FBXO24: variants seen among roughly 807,000 people sequenced by gnomAD.
FBXO24 encodes the protein F-box protein 24, also known as F-box only protein 24.
Under a neutral mutation model 63.5 loss-of-function variants are expected in FBXO24, and 30 were observed. The observed-to-expected ratio is 0.47, with a 90% CI of 0.35 to 0.64. FBXO24 has a LOEUF of 0.64. Ranked by LOEUF, FBXO24 falls within the 30% of genes least tolerant of loss-of-function variation. The pLI is 0.00. For synonymous variants in FBXO24, 300 were observed against 305.0 expected (o/e 0.98, Z 0.17); for missense variants, 624 against 763.4 (o/e 0.82, Z 2.15).
intron 8 of FBXO24, among the ~76,000 whole-genome samples, chr7:100,597,629 G>A (rs1247721734): frequency 2.0e-5 from 3 of 151,960 alleles, no homozygotes; most frequent in African/African-American, 7.3e-5. Context: ...CCTGACCTCA[G>A]GTGATCTGCA....
Position 100,600,736 on chromosome 7 carries a change from A to C in FBXO24, c.1580A>C (p.His527Pro), listed in dbSNP as rs1331937361. 1.9e-6 allele frequency: 3 copies of C among 1,614,046 alleles called. No individual in the cohort carries two copies. The East Asian group carries it at 6.7e-5, about 36-fold the overall frequency. ...TGCGAGGAGTACCTCAGCCAGATCC[A>C]CAGTTGCCAAACGTTGCAGGACCGC... Reference protein sequence around the residue: ...QACEEYLSQIHSCQTLQDRTE... With the variant: ...QACEEYLSQIPSCQTLQDRTE... The change falls in exon 10 of 10, where the codon CAC (histidine) becomes CCC (proline). Residue 527 changes from histidine (H) to proline (P), a missense_variant. By Grantham distance (77) the His-to-Pro change is moderately conservative. Coordinates refer to ENST00000241071, the MANE Select transcript of FBXO24 (RefSeq NM_033506.3). The surrounding 1 kb of genome is among the most constrained non-coding windows in gnomAD (Gnocchi z 6.3).
intron 5 of FBXO24, among the ~76,000 whole-genome samples, chr7:100,593,491 G>A (rs898071912): frequency 6.6e-6 from 1 of 152,054 alleles, no homozygotes; most frequent in African/African-American, 2.4e-5. Flanking sequence ...AGCCAAGCGT[G>A]GTGGCGCGTG....
chr7:100,600,783 G>A lies in FBXO24; in HGVS notation c.1627G>A (p.Val543Ile), dbSNP rs1196849914. ...CCGCACGGAGAAGATGAAGGAGATC[G>A]TAGGGTGGATGCCCCTGATGGCCGC... is the stretch of plus-strand genomic sequence containing the variant. The part of the protein sequence containing the change: ...QDRTEKMKEI[V>I]GWMPLMAAQK... Residue 543 changes from valine (V) to isoleucine (I), a missense_variant, in exon 10 of 10, where the codon GTA becomes ATA. Val to Ile is a conservative substitution (Grantham distance 29). Around this residue, in one of 3 missense-constraint regions of FBXO24, gnomAD observed 216 missense variants for 245.2 expected, o/e 0.88. Transcript: ENST00000241071. The surrounding 1 kb of genome is among the most constrained non-coding windows in gnomAD (Gnocchi z 6.3). 9 of 1,614,014 alleles carry A rather than the reference G, an allele frequency of 5.6e-6. No homozygotes were observed. Among genetic ancestry groups the A allele is most frequent in the East Asian group, 2.2e-5 (1 of 44,892 alleles).
chr7:100,595,223 G>A lies in FBXO24; in HGVS notation c.1074G>A (p.Lys358=). 6.2e-7 allele frequency: 1 copy of A among 1,614,132 alleles called. No homozygotes were observed. The highest frequency in any genetic ancestry group is 8.5e-7 in the Non-Finnish European group (1 of 1,180,016). ...CGCTTGCTCTCTCACTGCCTGCCAA[G>A]GTAGGCTCCTGGAGGGACGGGGCAA... ...QMPLALSLPA[K]ILFCALGYNH... The change falls in exon 7 of 10, where the codon AAG becomes AAA. Residue 358 remains lysine (K), a splice_region_variant and synonymous_variant. Coordinates refer to ENST00000241071, the MANE Select transcript of FBXO24 (RefSeq NM_033506.3).
chr7:100,590,151 G>A (rs750250025), intron 2 of FBXO24, 23 bp from the exon 3 acceptor site: 32 of 1,610,448 alleles, frequency 2.0e-5, no homozygotes, highest in Middle Eastern at 1.6e-4. Flanking sequence ...AAGACTCCCC[G>A]CTTCTTCCCT....
chr7:100,593,099 C>A, intron 5 of FBXO24, 82 bp downstream of exon 5: 1 of 1,203,734 alleles, frequency 8.3e-7, no homozygotes, highest in East Asian at 2.5e-5. Flanking sequence ...GAGGGAGGCC[C>A]CTCAGACTGG....
Position 100,591,031 on chromosome 7 carries a change from A to ATTTTT in FBXO24, c.323-616_323-612dup, listed in dbSNP as rs930978218. Among the ~76,000 whole-genome samples, 460 of 86,650 alleles carry ATTTTT rather than the reference A, an allele frequency of 5.3e-3. 8 individuals are homozygous for ATTTTT. The highest frequency in any genetic ancestry group is 0.01 in the African/African-American group (217 of 21,308). 56.8% of individuals were successfully genotyped at this position (86,650 alleles called of 152,430 possible). A position where few individuals can be genotyped will look rare whatever the true frequency, so the allele number is the denominator to read the frequency against. ...CTTCTCTTTTCTTTCTTTTTCTTTG[A>ATTTTT]TTTTTTTTTTTTTTTTTTTTTTTTG... On this transcript the variant is annotated intron_variant, in intron 3 of 9. Coordinates refer to ENST00000241071, the MANE Select transcript of FBXO24 (RefSeq NM_033506.3).
intron 4 of FBXO24, 48 bp from the exon 5 acceptor site, chr7:100,592,735 T>A (rs1802090838): frequency 6.8e-7 from 1 of 1,478,494 alleles, no homozygotes; most frequent in Non-Finnish European, 9.4e-7. Flanking sequence ...CCCAGCCCCA[T>A]CCCATTTTGA....
At chr7:100,588,917 G>A (rs1443322933) in intron 1 of FBXO24, among the ~76,000 whole-genome samples, 1 of 152,092 alleles carries the variant, frequency 6.6e-6, no homozygotes, top group African/African-American at 2.4e-5. Flanking sequence ...CCTCAAACTG[G>A]GCTCAAGCAA....
chr7:100,600,209 C>T lies in FBXO24; in HGVS notation c.1377+8C>T, dbSNP rs892828731. The T allele has an allele frequency of 1.6e-5, 24 of 1,537,556 alleles. No homozygotes were observed. Among genetic ancestry groups the T allele is most frequent in the East Asian group, 2.4e-5 (1 of 41,714 alleles). ...GTCAAGCTCCAAGTCAAGGTCAGAG[C>T]GGGGTCAGGAGAGTGGGCACCCAGG... On this transcript the variant is annotated splice_region_variant and intron_variant, in intron 9 of 9. Transcript: ENST00000241071. This position sits in a 1 kb window ranked among gnomAD's most constrained non-coding sequence, Gnocchi z 6.3.
intron 4 of FBXO24, chr7:100,592,201 G>A (rs1168665997): frequency 4.4e-5 from 16 of 362,312 alleles, no homozygotes; most frequent in Non-Finnish European, 2.6e-5. Context: ...AGAGGCTGCA[G>A]TGAGCTGAGA....
chr7:100,600,477 G>T lies in FBXO24; in HGVS notation c.1378-57G>T. 1 of 1,520,472 alleles carries T rather than the reference G, an allele frequency of 6.6e-7. No homozygotes were observed. The highest frequency in any genetic ancestry group is 8.8e-7 in the Non-Finnish European group (1 of 1,135,586). 94.2% of individuals were successfully genotyped at this position (1,520,472 alleles called of 1,614,324 possible). A position where few individuals can be genotyped will look rare whatever the true frequency, so the allele number is the denominator to read the frequency against. On this transcript the variant is annotated intron_variant, in intron 9 of 9. Transcript: ENST00000241071. The surrounding 1 kb of genome is among the most constrained non-coding windows in gnomAD (Gnocchi z 6.3). ...TAGGCAGATTAGCCCGGGCACCCTG[G>T]GAAACCCTGCAAGGAAAGCACCACT... is the stretch of plus-strand genomic sequence containing the variant.
intron 1 of FBXO24, 107 bp downstream of exon 1, chr7:100,586,771 G>C (rs747927168): frequency 1.6e-6 from 2 of 1,271,592 alleles, no homozygotes; most frequent in South Asian, 2.4e-5. Flanking sequence ...ACGTGTTAGG[G>C]GGCTAGCCGG....
In FBXO24 at chr7:100,594,374, T is replaced by A; in HGVS notation, c.794-9T>A. ...CCCCTCCCCAACTAATTGCTTCCCC[T>A]ACCCCCAGAGGAAGGAAAGATCTAC... On this transcript the variant is annotated splice_polypyrimidine_tract_variant and intron_variant, in intron 5 of 9. Coordinates refer to ENST00000241071, the MANE Select transcript of FBXO24 (RefSeq NM_033506.3). The surrounding 1 kb of genome is among the most constrained non-coding windows in gnomAD (Gnocchi z 4.2). The A allele has an allele frequency of 6.2e-7, 1 of 1,610,568 alleles. No individual in the cohort carries two copies. The highest frequency in any genetic ancestry group is 8.5e-7 in the Non-Finnish European group (1 of 1,178,512).
Position 100,594,429 on chromosome 7 carries a change from C to T in FBXO24, c.840C>T (p.Asp280=). Residue 280 remains aspartate, a synonymous_variant, in exon 6 of 10, where the codon GAC becomes GAT. Transcript: ENST00000241071. The surrounding 1 kb of genome is among the most constrained non-coding windows in gnomAD (Gnocchi z 4.2). Reference sequence around the variant, plus strand: ...TGGTAGTGAATGAGACCCAGCTTGACCAGCCACGCTCCTACACGGTTCAGC... The same window carrying T: ...TGGTAGTGAATGAGACCCAGCTTGATCAGCCACGCTCCTACACGGTTCAGC... ...YSLVVNETQL[D]QPRSYTVQLA... 6.2e-7 allele frequency: 1 copy of T among 1,613,218 alleles called. No homozygotes were observed. The highest frequency in any genetic ancestry group is 8.5e-7 in the Non-Finnish European group (1 of 1,179,570).
At chr7:100,599,967 T>TCCCCCCCCC in intron 8 of FBXO24, 64 bp from the exon 9 acceptor site, 1 of 1,496,772 alleles carries the variant, frequency 6.7e-7, no homozygotes, top group Non-Finnish European at 9.1e-7. Context: ...GTCAACCTTT[T>TCCCCCCCCC]CCCACCCCAG....
In FBXO24 at chr7:100,593,037, C is replaced by T. The variant is rs1167443247; in HGVS notation, c.793+20C>T. 2 of 1,602,020 alleles carry T rather than the reference C, an allele frequency of 1.2e-6. No individual in the cohort carries two copies. The highest frequency in any genetic ancestry group is 1.7e-6 in the Non-Finnish European group (2 of 1,169,566). Reference sequence around the variant, plus strand: ...TCACAGGTGTGGCCCAAAGCAATGGCTTTTGCAAACTGTTTCCTGCAGATT... The same window carrying T: ...TCACAGGTGTGGCCCAAAGCAATGGTTTTTGCAAACTGTTTCCTGCAGATT... On this transcript the variant is annotated intron_variant, in intron 5 of 9. Transcript: ENST00000241071.
At chr7:100,589,020 G>A (rs189099961) in intron 1 of FBXO24, among the ~76,000 whole-genome samples, 21 of 150,388 alleles carry the variant, frequency 1.4e-4, no homozygotes, top group Admixed American at 6.0e-4. Context: ...TTTAATAGAC[G>A]CAGGGTCTAT....
At chr7:100,587,565 A>C (rs1801816138) in intron 1 of FBXO24, among the ~76,000 whole-genome samples, 1 of 146,428 alleles carries the variant, frequency 6.8e-6, no homozygotes, top group Non-Finnish European at 1.5e-5. Context: ...GGCCTCCCAA[A>C]GTGCTGGCAT....
Sources: allele counts gnomAD v4.1 joint callset (sites outside exome capture counted in the v4.1 genomes callset), GRCh38; gene constraint gnomAD v4.1.1; regional missense constraint gnomAD v4.1.1; non-coding constraint Gnocchi (gnomAD v3.1); transcripts MANE v1.5; gene names NCBI Gene and HGNC (gene_info 2026-07-23, HGNC 2026-07-21).